Variants in PDE11A observed in about 807,000 individuals in gnomAD.
PDE11A encodes the protein dual 3',5'-cyclic-AMP and -GMP phosphodiesterase 11A.
PDE11A carries 100 observed loss-of-function variants against 100.5 expected under a neutral mutation model. The ratio of observed to expected loss-of-function variants is 1.00; its 90% CI spans 0.85 to 1.18. PDE11A has a LOEUF of 1.18. Ranked by LOEUF, PDE11A falls within the 50% of genes most tolerant of loss-of-function variation. PDE11A has a pLI of 0.00. For synonymous variants in PDE11A, 381 were observed against 420.8 expected (o/e 0.91, Z 1.16); for missense variants, 1,141 against 1,152.6 (o/e 0.99, Z 0.15).
At chr2:177,694,494 A>C (rs2081082386) in intron 15 of PDE11A, among the ~76,000 whole-genome samples, 1 of 152,210 alleles carries the variant, frequency 6.6e-6, no homozygotes, top group Admixed American at 6.5e-5. Context: ...CAAAATAAAT[A>C]GGTTATAAAG....
intron 1 of PDE11A, among the ~76,000 whole-genome samples, chr2:178,070,695 A>T (rs1470808805): frequency 6.6e-6 from 1 of 152,204 alleles, no homozygotes; most frequent in Admixed American, 6.5e-5. Flanking sequence ...GAAAACCCAG[A>T]TGAGAGCATG....
intron 19 of PDE11A, among the ~76,000 whole-genome samples, chr2:177,630,038 T>A (rs1483353466): frequency 6.6e-6 from 1 of 152,150 alleles, no homozygotes; most frequent in East Asian, 1.9e-4. Flanking sequence ...TCAGGTAAAA[T>A]CCTGAAATGA....
intron 10 of PDE11A, among the ~76,000 whole-genome samples, chr2:177,746,739 G>A (rs1284387561): frequency 6.6e-6 from 1 of 152,210 alleles, no homozygotes; most frequent in Non-Finnish European, 1.5e-5. Flanking sequence ...AAGATTTGTG[G>A]CTGGGTAAGG....
chr2:177,794,830 G>A (rs2082683196), intron 9 of PDE11A, among the ~76,000 whole-genome samples: 2 of 152,112 alleles, frequency 1.3e-5, no homozygotes, highest in South Asian at 4.1e-4. Context: ...CTGTTGCCCA[G>A]GCTGGAGTGC....
chr2:178,095,292 T>C (rs767194979), intron 2 of PDE11A, among the ~76,000 whole-genome samples: 2 of 152,094 alleles, frequency 1.3e-5, no homozygotes, highest in Non-Finnish European at 2.9e-5. Flanking sequence ...ATGGGAGAAA[T>C]TGGCCAAAAC....
At chr2:177,814,437 G>T (rs1008650784) in intron 9 of PDE11A, among the ~76,000 whole-genome samples, 1 of 152,098 alleles carries the variant, frequency 6.6e-6, no homozygotes, top group Non-Finnish European at 1.5e-5. Flanking sequence ...CCTAGGCCAG[G>T]GAGCGGGGTG....
At chr2:177,937,455 C>G (rs966725058) in intron 2 of PDE11A, among the ~76,000 whole-genome samples, 6 of 151,318 alleles carry the variant, frequency 4.0e-5, no homozygotes, top group African/African-American at 1.5e-4. Flanking sequence ...GTAGTTGGGA[C>G]CACAGGCACA....
intron 10 of PDE11A, among the ~76,000 whole-genome samples, chr2:177,744,360 G>T (rs1358464582): frequency 1.3e-5 from 2 of 148,718 alleles, no homozygotes; most frequent in African/African-American, 4.9e-5. Context: ...TTTACTATAT[G>T]ACTTTAGAGA....
intron 1 of PDE11A, among the ~76,000 whole-genome samples, chr2:178,027,876 T>C (rs1302400316): frequency 2.6e-5 from 4 of 152,176 alleles, no homozygotes; most frequent in Admixed American, 1.3e-4. Flanking sequence ...GCATAGCATA[T>C]ATAATATTGG....
chr2:177,783,875 G>A (rs1008714598), intron 9 of PDE11A, among the ~76,000 whole-genome samples: 2 of 152,096 alleles, frequency 1.3e-5, no homozygotes, highest in African/African-American at 2.4e-5. Context: ...AAAATTATTT[G>A]TTATATTCAA....
chr2:178,079,432 C>T (rs1371214498), intron 2 of PDE11A, among the ~76,000 whole-genome samples: 2 of 152,118 alleles, frequency 1.3e-5, no homozygotes, highest in African/African-American at 4.8e-5. Context: ...AGGATAATGG[C>T]TTCCAGCTCC....
intron 6 of PDE11A, among the ~76,000 whole-genome samples, chr2:177,835,859 G>A (rs149637686): frequency 0.029 from 4,349 of 152,268 alleles, 200 homozygotes; most frequent in African/African-American, 0.099. Context: ...CAGCAGTGCC[G>A]GCCCACTGGC....
chr2:178,084,337 G>A (rs1415631782), intron 2 of PDE11A, among the ~76,000 whole-genome samples: 1 of 152,190 alleles, frequency 6.6e-6, no homozygotes, highest in African/African-American at 2.4e-5. Flanking sequence ...TATAATTGGG[G>A]AATAGAATCT....
At chr2:177,774,337 T>G (rs2082350460) in intron 9 of PDE11A, among the ~76,000 whole-genome samples, 1 of 152,224 alleles carries the variant, frequency 6.6e-6, no homozygotes, top group African/African-American at 2.4e-5. Flanking sequence ...GCCTCAGTTT[T>G]GGTTCTGCCC....
intron 2 of PDE11A, among the ~76,000 whole-genome samples, chr2:177,906,614 T>C (rs550333060): frequency 8.5e-5 from 13 of 152,292 alleles, no homozygotes; most frequent in Non-Finnish European, 1.8e-4. Flanking sequence ...TCAATGATTT[T>C]TGCAGATGTT....
At chr2:177,920,137 A>G (rs192117696) in intron 2 of PDE11A, among the ~76,000 whole-genome samples, 1 of 152,260 alleles carries the variant, frequency 6.6e-6, no homozygotes, top group East Asian at 1.9e-4. Flanking sequence ...TATGGTAAAC[A>G]TTTACATAGT....
intron 2 of PDE11A, among the ~76,000 whole-genome samples, chr2:177,910,517 A>T (rs943400947): frequency 1.3e-5 from 2 of 152,026 alleles, no homozygotes; most frequent in African/African-American, 4.8e-5. Context: ...TTTCCAAAAA[A>T]ACCAACTAAT....
chr2:178,039,102 A>T (rs2086652888), intron 1 of PDE11A: 3 of 152,198 alleles, frequency 2.0e-5, no homozygotes, highest in Admixed American at 1.3e-4. Flanking sequence ...TAACAATAAC[A>T]AAGACATGGA....
intron 14 of PDE11A, 26 bp downstream of exon 14, chr2:177,701,095 G>C (rs1312251255): frequency 3.1e-6 from 4 of 1,282,836 alleles, no homozygotes; most frequent in Admixed American, 3.4e-5. Flanking sequence ...TCTGTTAAGG[G>C]GAGAAGCAGA....
Sources: gnomAD v4.1 joint callset for allele counts (sites outside exome capture counted in the v4.1 genomes callset) on GRCh38, gnomAD v4.1.1 for gene constraint, MANE v1.5 for transcripts, NCBI Gene and HGNC (gene_info 2026-07-23, HGNC 2026-07-21) for gene names.